LOXL2: variants seen among roughly 807,000 people sequenced by gnomAD.
LOXL2 encodes lysyl oxidase homolog 2.
A neutral mutation model predicts 93.0 loss-of-function variants in LOXL2; 70 were observed. The ratio of observed to expected loss-of-function variants is 0.75; its 90% CI spans 0.62 to 0.92. The LOEUF is 0.92. Among genes scored for constraint, LOXL2 ranks in the 40% least tolerant of loss-of-function variants. The pLI is 0.00. For synonymous variants in LOXL2, 438 were observed against 413.2 expected, an observed-to-expected ratio of 1.06 and a Z score of -0.73; for missense variants, 973 against 1,054.9, an observed-to-expected ratio of 0.92 and a Z score of 1.08.
intron 3 of LOXL2, among the ~76,000 whole-genome samples, chr8:23,344,183 T>C (rs982602214): frequency 1.4e-4 from 22 of 152,236 alleles, no homozygotes; most frequent in African/African-American, 4.3e-4. Context: ...TTGCTCTCGT[T>C]CCTGCGATGA....
chr8:23,347,039 C>A (rs1016051824), intron 3 of LOXL2, among the ~76,000 whole-genome samples: 5 of 152,186 alleles, frequency 3.3e-5, no homozygotes, highest in African/African-American at 1.2e-4. Context: ...CAAAACAGGG[C>A]AGGGCATGGT....
chr8:23,362,863 G>A (rs1295737266), intron 2 of LOXL2, among the ~76,000 whole-genome samples: 1 of 152,124 alleles, frequency 6.6e-6, no homozygotes, highest in East Asian at 1.9e-4. Context: ...CAAAATGAAA[G>A]AAAACAAATC....
rs747273961 is a variant in LOXL2 at position 23,368,127 on chromosome 8, G to A, written c.225C>T (p.Tyr75=). 1 of 1,614,144 alleles carries A rather than the reference G, an allele frequency of 6.2e-7. No homozygotes were observed. The highest frequency in any genetic ancestry group is 8.5e-7 in the Non-Finnish European group (1 of 1,180,042). The change falls in exon 2 of 14, where the codon TAC becomes TAT. Residue 75 remains tyrosine, a synonymous_variant. Transcript: ENST00000389131. ...ACACGGTGCCCCACTGGCCATCATA[G>A]TACACCTCCACCCGGCCCTCGCTGT... is the stretch of plus-strand genomic sequence containing the variant. The part of the protein sequence containing the change: ...RKHSEGRVEV[Y]YDGQWGTVCD...
At chr8:23,384,426 C>T (rs1447963990) in intron 1 of LOXL2, among the ~76,000 whole-genome samples, 1 of 152,196 alleles carries the variant, frequency 6.6e-6, no homozygotes, top group Non-Finnish European at 1.5e-5. Context: ...AACAGGCTAC[C>T]TGCAGTTACT....
intron 4 of LOXL2, 67 bp from the exon 5 acceptor site, chr8:23,333,690 G>A (rs1803744484): frequency 6.2e-6 from 8 of 1,298,806 alleles, no homozygotes; most frequent in East Asian, 2.4e-5. Context: ...CTTCTGCAAC[G>A]AGGCAGAACA....
chr8:23,320,097 A>G (rs1803470701), intron 7 of LOXL2, 45 bp from the exon 8 acceptor site: 1 of 1,600,564 alleles, frequency 6.2e-7, no homozygotes, highest in African/African-American at 1.3e-5. Context: ...GGGACAAGGG[A>G]GCTTCCCCCC....
intron 1 of LOXL2, among the ~76,000 whole-genome samples, chr8:23,375,333 G>C (rs1263358572): frequency 2.0e-5 from 3 of 151,946 alleles, no homozygotes; most frequent in Admixed American, 6.6e-5. Context: ...GTACCATGCT[G>C]TTTTGGTTAC....
chr8:23,304,323 T>C (rs1803191996), intron 10 of LOXL2, among the ~76,000 whole-genome samples: 3 of 152,210 alleles, frequency 2.0e-5, no homozygotes, highest in African/African-American at 7.2e-5. Context: ...TGTTTCAGAA[T>C]AAACAAGGGA....
At chr8:23,351,316 C>T (rs867715621) in intron 3 of LOXL2, among the ~76,000 whole-genome samples, 7 of 152,330 alleles carry the variant, frequency 4.6e-5, no homozygotes, top group Middle Eastern at 6.8e-3. Context: ...GCCCTAGTCA[C>T]ATCACCAGAC....
Position 23,322,175 on chromosome 8 carries a change from A to G in LOXL2, c.1257T>C (p.Asp419=). Reference sequence around the variant, plus strand: ...CAGGGGTGTTGCATCTCACACCAGCATCCTCCTCGTGGTTGCAGCCCTGAG... The same window carrying G: ...CAGGGGTGTTGCATCTCACACCAGCGTCCTCCTCGTGGTTGCAGCCCTGAG... ...AESQGCNHEE[D]AGVRCNTPAM... is the part of the protein sequence containing the mutation. The change falls in exon 7 of 14, where the codon GAT becomes GAC. Residue 419 remains aspartate (D), a synonymous_variant. Coordinates refer to ENST00000389131, the MANE Select transcript of LOXL2 (RefSeq NM_002318.3). 6.2e-7 allele frequency: 1 copy of G among 1,614,186 alleles called. No homozygotes were observed. Among genetic ancestry groups the G allele is most frequent in the Non-Finnish European group, 8.5e-7 (1 of 1,180,026 alleles).
chr8:23,341,243 T>C, intron 3 of LOXL2, 40 bp from the exon 4 acceptor site: 2 of 1,527,824 alleles, frequency 1.3e-6, no homozygotes, highest in South Asian at 2.2e-5. Context: ...GTTACCCTAC[T>C]GGCCTGGCTG....
chr8:23,318,834 C>T (rs908084807), intron 8 of LOXL2, among the ~76,000 whole-genome samples: 4 of 152,352 alleles, frequency 2.6e-5, no homozygotes, highest in African/African-American at 9.6e-5. Context: ...AAAGGCCTGT[C>T]TCTTCTGGAT....
At chr8:23,320,585 G>A (rs888176651) in intron 7 of LOXL2, among the ~76,000 whole-genome samples, 3 of 152,112 alleles carry the variant, frequency 2.0e-5, no homozygotes, top group Non-Finnish European at 2.9e-5. Flanking sequence ...CTAAATGACC[G>A]GGTGTGGCCA....
intron 1 of LOXL2, among the ~76,000 whole-genome samples, chr8:23,398,254 G>A (rs1800118947): frequency 6.6e-6 from 1 of 152,132 alleles, no homozygotes; most frequent in Admixed American, 6.6e-5. Context: ...TGTTTTATAG[G>A]CAAGTGGCAT....
Position 23,341,020 on chromosome 8 carries a change from C to G in LOXL2, c.715G>C (p.Glu239Gln), listed in dbSNP as rs140106871. The G allele has an allele frequency of 3.5e-5, 57 of 1,614,154 alleles. 1 individual carries two copies. The African/African-American group carries it at 6.9e-4, about 20-fold the overall frequency. ...TACACTTTGGTATTGTATGTCCTCTCCCCAGGGAAGCCAAACATGCCGCAG... is the reference window on the plus strand; with the variant it reads ...TACACTTTGGTATTGTATGTCCTCTGCCCAGGGAAGCCAAACATGCCGCAG... ...VVCGMFGFPG[E>Q]RTYNTKVYKM... The change falls in exon 4 of 14, where the codon GAG becomes CAG. Residue 239 changes from glutamate to glutamine, a missense_variant. Transcript: ENST00000389131.
At chr8:23,312,402 A>G (rs973506468) in intron 9 of LOXL2, among the ~76,000 whole-genome samples, 2 of 139,768 alleles carry the variant, frequency 1.4e-5, no homozygotes, top group Admixed American at 1.4e-4. Context: ...AATCCTCAAT[A>G]AAATACTGGC....
At chr8:23,322,084 T>G in intron 7 of LOXL2, 46 bp downstream of exon 7, 1 of 1,601,234 alleles carries the variant, frequency 6.2e-7, no homozygotes, top group Non-Finnish European at 8.5e-7. Flanking sequence ...GGCTATACTT[T>G]CTGCAGCCTC....
chr8:23,309,643 G>T, intron 10 of LOXL2, 25 bp downstream of exon 10: 1 of 1,411,140 alleles, frequency 7.1e-7, no homozygotes, highest in Non-Finnish European at 9.3e-7. Context: ...GCAGCTTAGT[G>T]GGGAGGGTGG....
intron 12 of LOXL2, among the ~76,000 whole-genome samples, chr8:23,300,622 C>T (rs890175469): frequency 2.0e-5 from 3 of 152,122 alleles, no homozygotes; most frequent in Admixed American, 1.3e-4. Context: ...TTAACATGCC[C>T]CTAATGAGTC....
Sources: allele counts gnomAD v4.1 joint callset (sites outside exome capture counted in the v4.1 genomes callset), GRCh38; gene constraint gnomAD v4.1.1; transcripts MANE v1.5; gene names NCBI Gene and HGNC (gene_info 2026-07-23, HGNC 2026-07-21).